PDE4D: variants seen among roughly 807,000 people sequenced by gnomAD.
PDE4D encodes the protein 3',5'-cyclic-AMP phosphodiesterase 4D.
A neutral mutation model predicts 87.4 loss-of-function variants in PDE4D; 24 were observed. The ratio of observed to expected loss-of-function variants is 0.27; its 90% CI spans 0.20 to 0.39. PDE4D has a LOEUF of 0.39. Ranked by LOEUF, PDE4D falls within the 10% of genes least tolerant of loss-of-function variation. The pLI, the probability that PDE4D is intolerant of heterozygous loss-of-function variation, is 1.00. For missense variants in PDE4D, 714 were observed against 1,041.0 expected, an observed-to-expected ratio of 0.69 and a Z score of 4.32; for synonymous variants, 384 against 383.2, an observed-to-expected ratio of 1.00 and a Z score of -0.02.
At chr5:59,189,836 G>A (rs537314472) in intron 3 of PDE4D, among the ~76,000 whole-genome samples, 11 of 152,200 alleles carry the variant, frequency 7.2e-5, no homozygotes, top group Non-Finnish European at 1.5e-4. Context: ...GGGATTCTGA[G>A]CTTACAGGGG....
intron 1 of PDE4D, among the ~76,000 whole-genome samples, chr5:60,385,148 C>A (rs1383012348): frequency 6.6e-6 from 1 of 152,114 alleles, no homozygotes; most frequent in Non-Finnish European, 1.5e-5. Flanking sequence ...TTGGATTCCA[C>A]CAGAAGTAGA....
intron 2 of PDE4D, among the ~76,000 whole-genome samples, chr5:60,119,256 A>G (rs757236049): frequency 1.3e-5 from 2 of 152,208 alleles, no homozygotes; most frequent in African/African-American, 4.8e-5. Context: ...GAAAACTATG[A>G]TGGACACTAT....
intron 2 of PDE4D, among the ~76,000 whole-genome samples, chr5:60,172,729 G>A (rs1313064021): frequency 6.6e-6 from 1 of 152,074 alleles, no homozygotes; most frequent in Non-Finnish European, 1.5e-5. Flanking sequence ...GGGACAATTG[G>A]TAGTCCCTCT....
intron 1 of PDE4D, among the ~76,000 whole-genome samples, chr5:59,506,216 C>T (rs948470402): frequency 6.6e-6 from 1 of 152,014 alleles, no homozygotes; most frequent in Non-Finnish European, 1.5e-5. Flanking sequence ...TTTTAAAATA[C>T]TAACTTTTCA....
intron 1 of PDE4D, among the ~76,000 whole-genome samples, chr5:59,285,941 A>ATT (rs1766863984): frequency 6.6e-6 from 1 of 152,180 alleles, no homozygotes; most frequent in Non-Finnish European, 1.5e-5. Flanking sequence ...AGTGTTGTCC[A>ATT]ATCTGCAACC....
intron 1 of PDE4D, among the ~76,000 whole-genome samples, chr5:59,737,261 T>C (rs62370530): frequency 0.14 from 21,301 of 152,208 alleles, 1,952 homozygotes; most frequent in Middle Eastern, 0.29. Context: ...TTTTTAAAAA[T>C]GTTAAAATGT....
At chr5:58,995,919 A>G (rs964256186) in intron 6 of PDE4D, among the ~76,000 whole-genome samples, 2 of 152,230 alleles carry the variant, frequency 1.3e-5, no homozygotes, top group African/African-American at 4.8e-5. Context: ...CTGGATTAAG[A>G]AAATGTGGCA....
chr5:59,386,811 T>C (rs1787150045), intron 1 of PDE4D, among the ~76,000 whole-genome samples: 1 of 152,288 alleles, frequency 6.6e-6, no homozygotes, highest in South Asian at 2.1e-4. Context: ...ACAGGGCTTC[T>C]ATTACTCCTA....
At chr5:59,070,895 C>T (rs974485684) in intron 5 of PDE4D, among the ~76,000 whole-genome samples, 2 of 152,174 alleles carry the variant, frequency 1.3e-5, no homozygotes, top group African/African-American at 2.4e-5. Flanking sequence ...GTCTCTTGCT[C>T]AGCTGTCACT....
intron 11 of PDE4D, among the ~76,000 whole-genome samples, chr5:58,980,649 C>A (rs1744893199): frequency 6.7e-6 from 1 of 149,080 alleles, no homozygotes; most frequent in African/African-American, 2.5e-5. Flanking sequence ...GCAGGAAGAC[C>A]ACTTTTGTGT....
chr5:59,903,672 G>A (rs181892520), intron 3 of PDE4D, among the ~76,000 whole-genome samples: 178 of 152,166 alleles, frequency 1.2e-3, no homozygotes, highest in African/African-American at 4.1e-3. Flanking sequence ...TTACTATCCC[G>A]ATTGTACAGA....
At chr5:59,290,646 A>AACCCACAT (rs1372485811) in intron 1 of PDE4D, among the ~76,000 whole-genome samples, 1 of 152,124 alleles carries the variant, frequency 6.6e-6, no homozygotes, top group Admixed American at 6.6e-5. Flanking sequence ...GTGAAGAGAC[A>AACCCACAT]ACCCACATAA....
intron 1 of PDE4D, among the ~76,000 whole-genome samples, chr5:59,410,471 T>A (rs147483766): frequency 3.9e-4 from 59 of 152,316 alleles, no homozygotes; most frequent in African/African-American, 1.4e-3. Flanking sequence ...GGTCTTGAAC[T>A]CCTGGCCTCA....
chr5:59,205,024 C>G (rs2153498373), intron 2 of PDE4D, among the ~76,000 whole-genome samples: 1 of 152,270 alleles, frequency 6.6e-6, no homozygotes, highest in South Asian at 2.1e-4. Flanking sequence ...GCTCATATTC[C>G]CATTCTAACA....
At chr5:60,109,471 G>A (rs1777437090) in intron 2 of PDE4D, among the ~76,000 whole-genome samples, 1 of 150,556 alleles carries the variant, frequency 6.6e-6, no homozygotes, top group Non-Finnish European at 1.5e-5. Flanking sequence ...CAGGGATCTA[G>A]AACTAGAAAT....
At chr5:59,473,229 A>T (rs953678839) in intron 1 of PDE4D, among the ~76,000 whole-genome samples, 3 of 152,114 alleles carry the variant, frequency 2.0e-5, no homozygotes, top group Non-Finnish European at 4.4e-5. Flanking sequence ...ATACTCTCAT[A>T]GTTTCAACTA....
intron 2 of PDE4D, among the ~76,000 whole-genome samples, chr5:60,040,961 A>G (rs1768413763): frequency 6.6e-6 from 1 of 152,196 alleles, no homozygotes; most frequent in African/African-American, 2.4e-5. Context: ...TGAATGCTTT[A>G]GCTGATTAAA....
At chr5:60,427,519 C>G (rs1743826727) in intron 1 of PDE4D, among the ~76,000 whole-genome samples, 1 of 151,246 alleles carries the variant, frequency 6.6e-6, no homozygotes, top group Non-Finnish European at 1.5e-5. Context: ...TAAATAAAAG[C>G]TGAGAAAATT....
intron 1 of PDE4D, among the ~76,000 whole-genome samples, chr5:59,732,267 T>C (rs1757462818): frequency 6.6e-6 from 1 of 152,120 alleles, no homozygotes; most frequent in South Asian, 2.1e-4. Flanking sequence ...GGATTAAAAA[T>C]GAAGCAAGCT....
Sources: allele counts gnomAD v4.1 joint callset (sites outside exome capture counted in the v4.1 genomes callset), GRCh38; gene constraint gnomAD v4.1.1; transcripts MANE v1.5; gene names NCBI Gene and HGNC (gene_info 2026-07-23, HGNC 2026-07-21).